Variants in FRK observed in about 807,000 individuals in gnomAD.
FRK encodes the protein tyrosine-protein kinase FRK.
Under a neutral mutation model 56.4 loss-of-function variants are expected in FRK, and 51 were observed. The ratio of observed to expected loss-of-function variants is 0.90; its 90% CI spans 0.72 to 1.14. FRK has a LOEUF of 1.14. FRK is among the 50% of genes most tolerant of loss of function. The probability of loss-of-function intolerance (pLI) is 0.00; values close to 1 mark genes in which losing one functional copy is unlikely to be tolerated. For missense variants in FRK, 570 were observed against 601.4 expected (o/e 0.95, Z 0.55); for synonymous variants, 245 against 217.9 (o/e 1.12, Z -1.10).
the FRK span, among the ~76,000 whole-genome samples, chr6:116,092,518 G>A: frequency 6.6e-6 from 1 of 152,076 alleles, no homozygotes; most frequent in Non-Finnish European, 1.5e-5. Context: ...TCCTCTTTGT[G>A]GTCTAGGAGG....
At position 115,956,500 on chromosome 6, in the gene FRK, T is replaced by C. The variant is rs781568745; in HGVS notation, c.910A>G (p.Ile304Val). Residue 304 changes from isoleucine to valine, a missense_variant, in exon 5 of 8, where the codon ATT becomes GTT. Ile to Val is a conservative substitution (Grantham distance 29, BLOSUM62 3). Coordinates refer to ENST00000606080, the MANE Select transcript of FRK (RefSeq NM_002031.3). ...AVCTLEDPIY[I>V]ITELMRHGSL... ...CCATGTCTCATCAACTCTGTAATAA[T>C]ATAAATTGGATCTTCTAAAGTGCAA... The C allele has an allele frequency of 3.2e-6, 5 of 1,582,088 alleles. No homozygotes were observed. The African/African-American group carries it at 5.4e-5, about 17-fold the overall frequency.
intron 1 of FRK, chr6:116,039,515 C>A: frequency 1.5e-6 from 2 of 1,359,886 alleles, no homozygotes; most frequent in Non-Finnish European, 2.1e-6. Context: ...ATCTTCCCTA[C>A]CCTTCCTGCC....
chr6:115,961,499 A>C (rs1402603212), intron 4 of FRK, among the ~76,000 whole-genome samples: 1 of 92,342 alleles, frequency 1.1e-5, no homozygotes, highest in Non-Finnish European at 2.1e-5. Flanking sequence ...GAACTTCCCC[A>C]ATCTAGCAAG....
the FRK span, among the ~76,000 whole-genome samples, chr6:116,083,573 A>G: frequency 1.3e-5 from 2 of 152,184 alleles, no homozygotes; most frequent in East Asian, 3.8e-4. Context: ...TCTAATATAC[A>G]TTGGAATCAT....
At position 116,003,998 on chromosome 6, in the gene FRK, C is replaced by T. The variant is rs369216672; in HGVS notation, c.345G>A (p.Pro115=). 72 of 1,610,590 alleles carry T rather than the reference C, an allele frequency of 4.5e-5. No homozygotes were observed. Among genetic ancestry groups the T allele is most frequent in the African/African-American group, 9.4e-5 (7 of 74,794 alleles). ...ATCTTCCGATTGCTCCAAAGAACCA[C>T]CTAAAAAGAGAGATATGTAAATGTT... ...VAEDRSLQAE[P]WFFGAIGRSD... The change falls in exon 2 of 8, where the codon CCG becomes CCA. Residue 115 remains proline, a splice_region_variant and synonymous_variant. Transcript: ENST00000606080.
chr6:115,985,073 G>T (rs1582680385), intron 2 of FRK, among the ~76,000 whole-genome samples: 1 of 152,108 alleles, frequency 6.6e-6, no homozygotes, highest in East Asian at 1.9e-4. Context: ...AGCTGGATTG[G>T]AAATGAGATC....
chr6:115,988,584 G>A (rs573659321), intron 2 of FRK, among the ~76,000 whole-genome samples: 30 of 151,896 alleles, frequency 2.0e-4, no homozygotes, highest in Admixed American at 2.0e-3. Flanking sequence ...ACATGATGGC[G>A]TGTTACTTCT....
chr6:116,066,874 T>C, the FRK span, among the ~76,000 whole-genome samples: 4 of 152,232 alleles, frequency 2.6e-5, no homozygotes, highest in Admixed American at 2.6e-4. Context: ...CTAACCACTC[T>C]GTCTAAAGTA....
intron 1 of FRK, among the ~76,000 whole-genome samples, chr6:116,043,754 A>G (rs1206012127): frequency 6.6e-6 from 1 of 152,210 alleles, no homozygotes; most frequent in Non-Finnish European, 1.5e-5. Flanking sequence ...GAACTGAAGG[A>G]GATAGAGACA....
At chr6:115,973,180 C>G (rs1035321915) in intron 2 of FRK, among the ~76,000 whole-genome samples, 5 of 152,282 alleles carry the variant, frequency 3.3e-5, no homozygotes, top group Admixed American at 6.5e-5. Flanking sequence ...CTGGCTATGA[C>G]TCTTAGGCCA....
chr6:116,001,246 A>G (rs1775055395), intron 2 of FRK, among the ~76,000 whole-genome samples: 1 of 152,020 alleles, frequency 6.6e-6, no homozygotes, highest in Non-Finnish European at 1.5e-5. Flanking sequence ...TGAAAAAAAA[A>G]AAAAGAAAAG....
chr6:115,942,653 C>CAAA, intron 7 of FRK, 28 bp from the exon 8 acceptor site: 1 of 1,556,052 alleles, frequency 6.4e-7, no homozygotes, highest in Non-Finnish European at 8.8e-7. Context: ...AAACCAACAA[C>CAAA]AACAAAAAAA....
chr6:115,998,259 T>C (rs1478148389), intron 2 of FRK, among the ~76,000 whole-genome samples: 1 of 152,172 alleles, frequency 6.6e-6, no homozygotes, highest in Non-Finnish European at 1.5e-5. Context: ...GACTATTGCC[T>C]ACAAATCTCT....
chr6:115,991,817 AT>A (rs910589831), intron 2 of FRK, among the ~76,000 whole-genome samples: 2 of 151,594 alleles, frequency 1.3e-5, no homozygotes, highest in Non-Finnish European at 3.0e-5. Flanking sequence ...CTCCTCCTCA[AT>A]TTTTTTGAAT....
intron 1 of FRK, among the ~76,000 whole-genome samples, chr6:116,013,677 C>T (rs183791945): frequency 1.3e-5 from 2 of 152,096 alleles, no homozygotes; most frequent in Non-Finnish European, 2.9e-5. Context: ...AGCTTTGGGG[C>T]AGTACTATAC....
At chr6:116,068,669 C>G in the FRK span, among the ~76,000 whole-genome samples, 1 of 152,076 alleles carries the variant, frequency 6.6e-6, no homozygotes, top group African/African-American at 2.4e-5. Flanking sequence ...TGGACTCATT[C>G]TCTCCTAAAC....
At chr6:116,088,862 G>A in the FRK span, among the ~76,000 whole-genome samples, 48 of 152,320 alleles carry the variant, frequency 3.2e-4, no homozygotes, top group South Asian at 8.5e-3. Context: ...AGGTGCCCAA[G>A]AGGTCTGAAG....
intron 1 of FRK, among the ~76,000 whole-genome samples, chr6:116,019,502 A>G (rs1160243861): frequency 2.0e-5 from 3 of 152,236 alleles, no homozygotes; most frequent in African/African-American, 7.2e-5. Context: ...GATGACAATT[A>G]TAACAATCAT....
At chr6:116,071,214 A>T in the FRK span, among the ~76,000 whole-genome samples, 3 of 152,146 alleles carry the variant, frequency 2.0e-5, no homozygotes, top group Admixed American at 2.0e-4. Context: ...ACCACAAGTC[A>T]TACCTTGTTG....
Sources: gnomAD v4.1 joint callset for allele counts (sites outside exome capture counted in the v4.1 genomes callset) on GRCh38, gnomAD v4.1.1 for gene constraint, MANE v1.5 for transcripts, NCBI Gene and HGNC (gene_info 2026-07-23, HGNC 2026-07-21) for gene names.